Variants in MAPK10 observed in about 807,000 individuals in gnomAD.
MAPK10 encodes the protein mitogen-activated protein kinase 10.
Under a neutral mutation model 59.3 loss-of-function variants are expected in MAPK10, and 25 were observed. The observed-to-expected ratio is 0.42, with a 90% CI of 0.31 to 0.59. The LOEUF (loss-of-function observed/expected upper bound fraction) is 0.59, where lower values mean the gene tolerates loss of function less well. Among genes scored for constraint, MAPK10 ranks in the 20% least tolerant of loss-of-function variants. MAPK10 has a pLI of 0.15. For missense variants in MAPK10, 351 were observed against 568.9 expected (o/e 0.62, Z 3.90); for synonymous variants, 190 against 200.5 (o/e 0.95, Z 0.44).
intron 2 of MAPK10, among the ~76,000 whole-genome samples, chr4:86,322,939 C>T (rs1282163749): frequency 6.6e-6 from 1 of 152,180 alleles, no homozygotes; most frequent in Non-Finnish European, 1.5e-5. Context: ...CTTTGGGAGG[C>T]CAAGGCGGGA....
chr4:86,021,089 G>A (rs1746475598), intron 13 of MAPK10, among the ~76,000 whole-genome samples: 1 of 149,570 alleles, frequency 6.7e-6, no homozygotes, highest in Non-Finnish European at 1.5e-5. Flanking sequence ...TAGATACAGA[G>A]TATCAACACA....
At chr4:86,496,245 C>T (rs528311588) in intron 1 of MAPK10, among the ~76,000 whole-genome samples, 2 of 152,210 alleles carry the variant, frequency 1.3e-5, no homozygotes, top group South Asian at 4.1e-4. Flanking sequence ...GATTCAGAGA[C>T]GAGCTTTGTG....
intron 9 of MAPK10, among the ~76,000 whole-genome samples, chr4:86,071,099 T>C (rs2047840461): frequency 6.6e-6 from 1 of 151,648 alleles, no homozygotes; most frequent in Non-Finnish European, 1.5e-5. Context: ...TGGTGTGAGA[T>C]GGTATCTCAT....
intron 2 of MAPK10, among the ~76,000 whole-genome samples, chr4:86,315,844 T>G (rs1360246658): frequency 1.3e-5 from 2 of 152,164 alleles, no homozygotes; most frequent in African/African-American, 4.8e-5. Context: ...AAATGCAGAT[T>G]ATATTAACTT....
Position 86,435,076 on chromosome 4 carries a change from T to A in MAPK10, c.-122+17954A>T, listed in dbSNP as rs144991180. On this transcript the variant is annotated intron_variant, in intron 1 of 13. Coordinates refer to the MAPK10 transcript ENST00000361569. ...AATATCACATTCATATGCGGGATCT[T>A]AAAAAGTGAATCTCATGAAGATAGA... is the stretch of plus-strand genomic sequence containing the variant. Among the ~76,000 whole-genome samples the A allele has an allele frequency of 6.1e-3, 921 of 152,120 alleles. 6 individuals carry two copies. The highest frequency in any genetic ancestry group is 0.02 in the African/African-American group (823 of 41,492).
intron 4 of MAPK10, among the ~76,000 whole-genome samples, chr4:86,147,977 A>G (rs2065415806): frequency 1.3e-5 from 2 of 152,194 alleles, no homozygotes; most frequent in Admixed American, 1.3e-4. Context: ...TACATACTAT[A>G]CACACATTCA....
intron 1 of MAPK10, among the ~76,000 whole-genome samples, chr4:86,468,703 A>T (rs940552479): frequency 2.6e-4 from 39 of 151,972 alleles, no homozygotes; most frequent in African/African-American, 7.0e-4. Context: ...AAAATACAAA[A>T]ATTAGCCAGG....
rs112808693 is a variant in MAPK10, at chr4:86,277,594, G to C, written c.-7+76936C>G. 8.5e-3 allele frequency among the ~76,000 whole-genome samples: 1,293 copies of C among 152,126 alleles called. 14 individuals are homozygous for C. Among genetic ancestry groups the C allele is most frequent in the African/African-American group, 0.029 (1,186 of 41,478 alleles). ...AAACTAATGCTTATGTGACTAGATGGTTAAGCAGACAGTAACTTTTTTTAA... is the reference window on the plus strand; with the variant it reads ...AAACTAATGCTTATGTGACTAGATGCTTAAGCAGACAGTAACTTTTTTTAA... On this transcript the variant is annotated intron_variant, in intron 2 of 13. Transcript: ENST00000641462.
intron 4 of MAPK10, chr4:86,127,814 C>G (rs2149131351): frequency 6.6e-6 from 1 of 152,106 alleles, no homozygotes; most frequent in Non-Finnish European, 1.5e-5. Context: ...TTCCAAATAT[C>G]AAATAATTTG....
At chr4:86,219,016 A>T (rs2088699070) in intron 2 of MAPK10, among the ~76,000 whole-genome samples, 1 of 152,166 alleles carries the variant, frequency 6.6e-6, no homozygotes, top group Middle Eastern at 3.2e-3. Flanking sequence ...CCCAGACATA[A>T]TGTTTACCTT....
chr4:86,281,794 T>C (rs564655380), intron 2 of MAPK10, among the ~76,000 whole-genome samples: 1 of 152,218 alleles, frequency 6.6e-6, no homozygotes, highest in African/African-American at 2.4e-5. Context: ...TAGATGTCTA[T>C]TATTCATGGA....
intron 2 of MAPK10, among the ~76,000 whole-genome samples, chr4:86,312,834 G>A (rs1263159924): frequency 6.6e-6 from 1 of 152,054 alleles, no homozygotes; most frequent in Non-Finnish European, 1.5e-5. Context: ...AACAGTATTG[G>A]ATTGTCTATG....
chr4:86,442,787 T>C (rs1749563511), intron 1 of MAPK10, among the ~76,000 whole-genome samples: 1 of 152,184 alleles, frequency 6.6e-6, no homozygotes, highest in African/African-American at 2.4e-5. Context: ...TATACCATAA[T>C]TTGATTATTC....
chr4:86,095,556 C>T (rs1408392094), intron 9 of MAPK10: 1 of 151,756 alleles, frequency 6.6e-6, no homozygotes, highest in Non-Finnish European at 1.5e-5. Flanking sequence ...TTAGCATATA[C>T]TTAGCTTTGA....
intron 1 of MAPK10, among the ~76,000 whole-genome samples, chr4:86,518,019 G>GGTTTT (rs1360382389): frequency 1.3e-5 from 2 of 151,776 alleles, no homozygotes; most frequent in Non-Finnish European, 2.9e-5. Context: ...TTTGGTTTTG[G>GGTTTT]GTTTTGTTTT....
chr4:86,421,608 G>A (rs759621862), intron 1 of MAPK10, among the ~76,000 whole-genome samples: 110 of 152,154 alleles, frequency 7.2e-4, no homozygotes, highest in Non-Finnish European at 1.4e-3. Flanking sequence ...CAGGGAAGAA[G>A]GAGGCTGCTC....
intron 2 of MAPK10, among the ~76,000 whole-genome samples, chr4:86,338,175 G>A (rs961928855): frequency 2.6e-5 from 4 of 152,112 alleles, no homozygotes; most frequent in Non-Finnish European, 2.9e-5. Context: ...TTCGTGACCC[G>A]GCCAGACGCA....
intron 1 of MAPK10, among the ~76,000 whole-genome samples, chr4:86,533,046 C>G (rs1184564279): frequency 6.6e-6 from 1 of 151,338 alleles, no homozygotes; most frequent in East Asian, 1.9e-4. Flanking sequence ...AAAAAAAAAA[C>G]AAACTCAGCA....
chr4:86,154,247 T>C (rs1290353220), intron 4 of MAPK10, among the ~76,000 whole-genome samples: 1 of 152,130 alleles, frequency 6.6e-6, no homozygotes, highest in East Asian at 1.9e-4. Flanking sequence ...CTCCCATCCA[T>C]ATTCTGTGCT....
Sources: gnomAD v4.1 joint callset for allele counts (sites outside exome capture counted in the v4.1 genomes callset) on GRCh38, gnomAD v4.1.1 for gene constraint, MANE v1.5 for transcripts, NCBI Gene and HGNC (gene_info 2026-07-23, HGNC 2026-07-21) for gene names.